The following MAPKAP1 variants were observed in gnomAD, a reference collection of about 807,000 sequenced individuals.
MAPKAP1 encodes MAPK associated protein 1.
MAPKAP1 carries 20 observed loss-of-function variants against 65.7 expected under a neutral mutation model. The observed-to-expected ratio is 0.30, with a 90% CI of 0.21 to 0.44. The LOEUF (loss-of-function observed/expected upper bound fraction) is 0.44. Among genes scored for constraint, MAPKAP1 ranks in the 20% least tolerant of loss-of-function variants. The pLI is 1.00. For synonymous variants in MAPKAP1, 222 were observed against 244.3 expected (o/e 0.91, Z 0.85); for missense variants, 423 against 648.0 (o/e 0.65, Z 3.77).
intron 4 of MAPKAP1, among the ~76,000 whole-genome samples, chr9:125,630,479 A>G (rs1303827510): frequency 6.6e-6 from 1 of 152,148 alleles, no homozygotes; most frequent in Non-Finnish European, 1.5e-5. Context: ...TACTCAGCAC[A>G]AGTCCATACC....
chr9:125,499,193 G>C (rs1828898425), intron 8 of MAPKAP1, among the ~76,000 whole-genome samples: 1 of 152,182 alleles, frequency 6.6e-6, no homozygotes, highest in South Asian at 2.1e-4. Flanking sequence ...CGTAATACAT[G>C]ATCAGAATTT....
In MAPKAP1 at chr9:125,507,515, T is replaced by C. The variant is rs147804331; in HGVS notation, c.959-1098A>G. On this transcript the variant is annotated intron_variant, in intron 7 of 11. Transcript: ENST00000265960. ...AATCACATCTAGTGCTTCTCTATCA[T>C]CAGCATGAGGCATTTCACTCATTTC... 8.4e-4 allele frequency among the ~76,000 whole-genome samples: 128 copies of C among 152,342 alleles called. 1 individual carries two copies. The highest frequency in any genetic ancestry group is 2.9e-3 in the African/African-American group (121 of 41,568).
At chr9:125,618,147 G>GC (rs779664604) in intron 4 of MAPKAP1, among the ~76,000 whole-genome samples, 2 of 151,804 alleles carry the variant, frequency 1.3e-5, no homozygotes, top group Non-Finnish European at 2.9e-5. Context: ...TTCGAGACCA[G>GC]CGTGGCCTAC....
chr9:125,638,607 A>G (rs1833490935), intron 4 of MAPKAP1, among the ~76,000 whole-genome samples: 1 of 152,188 alleles, frequency 6.6e-6, no homozygotes, highest in Non-Finnish European at 1.5e-5. Context: ...TCTAAACACT[A>G]TTCTGTACAA....
intron 4 of MAPKAP1, among the ~76,000 whole-genome samples, chr9:125,587,964 C>A (rs767988719): frequency 6.6e-6 from 1 of 152,284 alleles, no homozygotes; most frequent in East Asian, 1.9e-4. Context: ...TCAGACACTG[C>A]CAGTGGGAAT....
At chr9:125,535,567 G>A (rs1242885695) in intron 7 of MAPKAP1, among the ~76,000 whole-genome samples, 2 of 152,122 alleles carry the variant, frequency 1.3e-5, no homozygotes, top group African/African-American at 4.8e-5. Context: ...CTTTCCTCCA[G>A]TGCCTTGATT....
chr9:125,645,726 G>T (rs1374880069), intron 4 of MAPKAP1, among the ~76,000 whole-genome samples: 1 of 130,782 alleles, frequency 7.6e-6, no homozygotes, highest in Non-Finnish European at 1.5e-5. Flanking sequence ...GATGGAGCAA[G>T]ACTCTGTCTC....
rs1209732065 is a variant in MAPKAP1 at position 125,576,931 on chromosome 9, G to C, written c.671+8624C>G. Among the ~76,000 whole-genome samples, 89 of 150,536 alleles carry C rather than the reference G, an allele frequency of 5.9e-4. 1 individual carries two copies. The highest frequency in any genetic ancestry group is 9.8e-4 in the East Asian group (5 of 5,100). Reference sequence around the variant, plus strand: ...AAGTGCCGAGATTGCAGCCTCTGCCGGGCCGCCACCCCGTCTGGGAAGTGA... The same window carrying C: ...AAGTGCCGAGATTGCAGCCTCTGCCCGGCCGCCACCCCGTCTGGGAAGTGA... On this transcript the variant is annotated intron_variant, in intron 5 of 11. Transcript: ENST00000265960.
In MAPKAP1 at chr9:125,438,296, A is replaced by G. The variant is rs2132908323; in HGVS notation, c.*591T>C. ...TAGTAAGACACTACCCTCGAAGCAA[A>G]TGCACTCATTTAAACAAATGGCATA... On this transcript the variant is annotated 3_prime_UTR_variant, in exon 12 of 12. Coordinates refer to ENST00000265960, the MANE Select transcript of MAPKAP1 (RefSeq NM_001006617.3). 2.5e-6 allele frequency: 1 copy of G among 398,656 alleles called. No individual in the cohort carries two copies. The highest frequency in any genetic ancestry group is 1.3e-4 in the South Asian group (1 of 7,836). The allele number at this position is 398,656 out of a possible 1,614,324, so 24.7% of individuals were successfully genotyped here.
chr9:125,680,384 T>C (rs757406129), intron 1 of MAPKAP1, among the ~76,000 whole-genome samples: 15 of 152,174 alleles, frequency 9.9e-5, no homozygotes, highest in Non-Finnish European at 2.2e-4. Context: ...AATTCGAAAA[T>C]AATTGAAGTG....
intron 4 of MAPKAP1, among the ~76,000 whole-genome samples, chr9:125,587,045 T>C (rs1300635647): frequency 6.6e-6 from 1 of 152,204 alleles, no homozygotes; most frequent in East Asian, 1.9e-4. Context: ...CTGGGACAAG[T>C]GGATAGCCAC....
chr9:125,480,956 A>G (rs1854289657), intron 9 of MAPKAP1, among the ~76,000 whole-genome samples: 2 of 133,972 alleles, frequency 1.5e-5, no homozygotes, highest in Non-Finnish European at 3.1e-5. Flanking sequence ...TGGGTGACAG[A>G]GCGAGACTCC....
intron 1 of MAPKAP1, among the ~76,000 whole-genome samples, chr9:125,703,601 G>A (rs926675723): frequency 5.3e-5 from 8 of 151,936 alleles, no homozygotes; most frequent in Admixed American, 1.3e-4. Flanking sequence ...GCAAAACCCC[G>A]TTTCTACTAA....
rs1192587735 is a variant in MAPKAP1, at chr9:125,517,329, A to G, written c.959-10912T>C. Among the ~76,000 whole-genome samples, 3 of 152,326 alleles carry G rather than the reference A, an allele frequency of 2.0e-5. No individual in the cohort carries two copies. In the East Asian group the frequency reaches 5.8e-4, roughly 29 times the overall value. On this transcript the variant is annotated intron_variant, in intron 7 of 11. Transcript: ENST00000265960. ...AGGGGGTCAAAACTGAGAGTCCATC[A>G]ACCCTCACAGCAGGCGTGTCACATG...
intron 7 of MAPKAP1, among the ~76,000 whole-genome samples, chr9:125,523,901 T>G (rs902461270): frequency 2.0e-5 from 3 of 152,186 alleles, no homozygotes; most frequent in Admixed American, 1.3e-4. Flanking sequence ...TTCCCTGCTG[T>G]GGGGGCCAGA....
At chr9:125,525,684 A>AAAAAAT (rs1554816843) in intron 7 of MAPKAP1, among the ~76,000 whole-genome samples, 1 of 147,166 alleles carries the variant, frequency 6.8e-6, no homozygotes, top group Non-Finnish European at 1.5e-5. Flanking sequence ...AAACAAAACA[A>AAAAAAT]AAAAACAAAA....
Position 125,595,611 on chromosome 9 carries a change from C to G in MAPKAP1, c.499-9884G>C. 7.2e-7 allele frequency: 1 copy of G among 1,380,236 alleles called. No individual in the cohort carries two copies. The highest frequency in any genetic ancestry group is 9.4e-7 in the Non-Finnish European group (1 of 1,065,792). The allele number at this position is 1,380,236 out of a possible 1,614,324, so 85.5% of individuals were successfully genotyped here. A position where few individuals can be genotyped will look rare whatever the true frequency, so the allele number is the denominator to read the frequency against. ...ATCATGCTATGTTTGTCAGCTTACT[C>G]CTTTCTGCCTGTGGACACGCCAAGG... On this transcript the variant is annotated intron_variant, in intron 4 of 11. Coordinates refer to ENST00000265960, the MANE Select transcript of MAPKAP1 (RefSeq NM_001006617.3). This position sits in a 1 kb window ranked among gnomAD's most constrained non-coding sequence, Gnocchi z 4.0.
At chr9:125,535,826 A>G (rs1289134138) in intron 7 of MAPKAP1, among the ~76,000 whole-genome samples, 1 of 152,152 alleles carries the variant, frequency 6.6e-6, no homozygotes, top group African/African-American at 2.4e-5. Flanking sequence ...ACCCAGGAGA[A>G]GGCTGTCTGA....
intron 7 of MAPKAP1, among the ~76,000 whole-genome samples, chr9:125,519,378 G>A (rs1299495447): frequency 2.6e-4 from 39 of 152,118 alleles, no homozygotes; most frequent in Admixed American, 2.6e-3. Context: ...GCTCGTGCCT[G>A]TAATCCCAGC....
Sources: allele counts gnomAD v4.1 joint callset (sites outside exome capture counted in the v4.1 genomes callset), GRCh38; gene constraint gnomAD v4.1.1; non-coding constraint Gnocchi (gnomAD v3.1); transcripts MANE v1.5; gene names NCBI Gene and HGNC (gene_info 2026-07-23, HGNC 2026-07-21).